Variants in KAZN observed in about 807,000 individuals in gnomAD.
KAZN encodes the protein kazrin, periplakin interacting protein.
KAZN carries 40 observed loss-of-function variants against 87.4 expected under a neutral mutation model. The observed-to-expected ratio is 0.46, with a 90% CI of 0.36 to 0.60. KAZN has a LOEUF of 0.60. KAZN is among the 20% of genes least tolerant of loss of function. The pLI is 0.00. For missense variants in KAZN, 898 were observed against 1,073.9 expected, an observed-to-expected ratio of 0.84 and a Z score of 2.29; for synonymous variants, 466 against 458.3, an observed-to-expected ratio of 1.02 and a Z score of -0.22.
rs1210674992 is a variant in KAZN at position 14,735,198 on chromosome 1, T to C, written c.226+135975T>C. Among the ~76,000 whole-genome samples, 1 of 152,206 alleles carries C rather than the reference T, an allele frequency of 6.6e-6. No homozygotes were observed. Among genetic ancestry groups the C allele is most frequent in the African/African-American group, 2.4e-5 (1 of 41,466 alleles). On this transcript the variant is annotated intron_variant, in intron 1 of 14. Coordinates refer to ENST00000376030, the MANE Select transcript of KAZN (RefSeq NM_201628.3). This position sits in a 1 kb window ranked among gnomAD's most constrained non-coding sequence, Gnocchi z 4.3. ...CCTCAGCCTCAGGAGCAGCTGGGAC[T>C]ACAGGCACCCGCCACCATGCCCGGC...
In KAZN at chr1:13,995,219, CAAA is replaced by C. The variant is rs113600200; in HGVS notation, c.91+101477_91+101479del. ...GGAAGTCTTAGACAGTGCAATAAGG[CAAA>C]AAAAAAAAAAAAATCCTAATGATTG... On this transcript the variant is annotated intron_variant, in intron 1 of 16. Transcript: ENST00000636203. Among the ~76,000 whole-genome samples, 95 of 107,376 alleles carry C rather than the reference CAAA, an allele frequency of 8.8e-4. 2 individuals carry two copies. The highest frequency in any genetic ancestry group is 2.9e-3 in the African/African-American group (91 of 31,342). The allele number at this position is 107,376 out of a possible 152,430, so 70.4% of individuals were successfully genotyped here. A position where few individuals can be genotyped will look rare whatever the true frequency, so the allele number is the denominator to read the frequency against.
chr1:14,935,148 G>T (rs1193731419), intron 1 of KAZN, among the ~76,000 whole-genome samples: 1 of 152,200 alleles, frequency 6.6e-6, no homozygotes, highest in Non-Finnish European at 1.5e-5. Flanking sequence ...AGGGACAGAG[G>T]CTACCCCTTG....
chr1:14,245,115 C>T (rs545537957), intron 2 of KAZN, among the ~76,000 whole-genome samples: 3 of 152,124 alleles, frequency 2.0e-5, no homozygotes, highest in African/African-American at 7.2e-5. Context: ...TGCCCACCAC[C>T]ACGCCTGGCT....
intron 2 of KAZN, among the ~76,000 whole-genome samples, chr1:14,994,172 G>C (rs1217390688): frequency 6.6e-6 from 1 of 152,242 alleles, no homozygotes; most frequent in Admixed American, 6.5e-5. Context: ...CGGGCCATGG[G>C]GAGAATGGAG....
At chr1:14,386,505 C>G (rs1661906441) in intron 2 of KAZN, among the ~76,000 whole-genome samples, 1 of 151,642 alleles carries the variant, frequency 6.6e-6, no homozygotes, top group African/African-American at 2.4e-5. Flanking sequence ...TTAGGGCAGG[C>G]CTGGTGGTGA....
Position 15,059,224 on chromosome 1 carries a change from A to G in KAZN, c.917-948A>G, listed in dbSNP as rs151013953. ...AGTGCTGAGACTACAGGCATGAGCC[A>G]CCATGCCCAGCCAAAAGCAAGCACT... On this transcript the variant is annotated intron_variant, in intron 5 of 14. Coordinates refer to ENST00000376030, the MANE Select transcript of KAZN (RefSeq NM_201628.3). Among the ~76,000 whole-genome samples the G allele has an allele frequency of 1.4e-3, 207 of 151,786 alleles. 1 individual carries two copies. Among genetic ancestry groups the G allele is most frequent in the African/African-American group, 4.4e-3 (180 of 41,328 alleles).
intron 2 of KAZN, among the ~76,000 whole-genome samples, chr1:14,250,858 G>A (rs1464268584): frequency 2.6e-5 from 4 of 151,202 alleles, no homozygotes; most frequent in Non-Finnish European, 5.9e-5. Context: ...AGAAACTAAG[G>A]GATGATTAAA....
intron 1 of KAZN, among the ~76,000 whole-genome samples, chr1:13,948,881 A>C (rs1283706359): frequency 1.3e-5 from 2 of 152,118 alleles, no homozygotes; most frequent in African/African-American, 4.8e-5. Context: ...CAGACATGAA[A>C]ATGGAGGCTT....
At chr1:13,926,034 G>C (rs745858137) in intron 1 of KAZN, among the ~76,000 whole-genome samples, 1 of 152,130 alleles carries the variant, frequency 6.6e-6, no homozygotes, top group Non-Finnish European at 1.5e-5. Context: ...GGGACAGAGC[G>C]TGATTTGGTT....
At chr1:14,700,118 G>A (rs921413157) in intron 1 of KAZN, among the ~76,000 whole-genome samples, 3 of 152,208 alleles carry the variant, frequency 2.0e-5, no homozygotes, top group Non-Finnish European at 2.9e-5. Context: ...ATGAGCCATA[G>A]GAAGGACTTA....
intron 2 of KAZN, among the ~76,000 whole-genome samples, chr1:14,573,251 A>G (rs1674978329): frequency 6.6e-6 from 1 of 152,180 alleles, no homozygotes. Context: ...TGCATAGCGC[A>G]CTCATCAAAA....
chr1:14,122,603 A>C (rs1644775798), intron 1 of KAZN, among the ~76,000 whole-genome samples: 1 of 152,224 alleles, frequency 6.6e-6, no homozygotes, highest in Non-Finnish European at 1.5e-5. Context: ...ACAGTAGAAC[A>C]ATATTCTGTT....
intron 2 of KAZN, among the ~76,000 whole-genome samples, chr1:14,489,009 A>G (rs1669501165): frequency 6.6e-6 from 1 of 152,134 alleles, no homozygotes; most frequent in South Asian, 2.1e-4. Flanking sequence ...ACTTAATTGT[A>G]TTTTCCCTTT....
rs1444892308 is a variant in KAZN at position 15,021,660 on chromosome 1, C to T, written c.419-13089C>T. Among the ~76,000 whole-genome samples the T allele has an allele frequency of 1.3e-5, 2 of 152,168 alleles. No individual in the cohort carries two copies. Among genetic ancestry groups the T allele is most frequent in the African/African-American group, 4.8e-5 (2 of 41,456 alleles). Reference sequence around the variant, plus strand: ...CCGGGGTGGTGGCAGGGACAGTGTGCCCTGCGTGCAGTTAGCACCCTGAAG... The same window carrying T: ...CCGGGGTGGTGGCAGGGACAGTGTGTCCTGCGTGCAGTTAGCACCCTGAAG... On this transcript the variant is annotated intron_variant, in intron 2 of 14. Coordinates refer to ENST00000376030, the MANE Select transcript of KAZN (RefSeq NM_201628.3). This position sits in a 1 kb window ranked among gnomAD's most constrained non-coding sequence, Gnocchi z 4.2.
intron 2 of KAZN, among the ~76,000 whole-genome samples, chr1:14,244,883 C>T (rs1245696836): frequency 3.3e-5 from 5 of 151,920 alleles, no homozygotes; most frequent in Non-Finnish European, 7.4e-5. Context: ...TTATTCGGAG[C>T]GAGTTGAGGC....
At chr1:14,493,233 C>T (rs1669774459) in intron 2 of KAZN, among the ~76,000 whole-genome samples, 1 of 152,166 alleles carries the variant, frequency 6.6e-6, no homozygotes, top group Admixed American at 6.5e-5. Flanking sequence ...ATTGTCTTCT[C>T]AATCAGACTT....
intron 3 of KAZN, among the ~76,000 whole-genome samples, chr1:15,038,482 G>A (rs1225238860): frequency 6.6e-6 from 1 of 152,120 alleles, no homozygotes; most frequent in Non-Finnish European, 1.5e-5. Flanking sequence ...AATACCAGAC[G>A]TTTGTTGTGC....
intron 1 of KAZN, among the ~76,000 whole-genome samples, chr1:14,641,759 C>G (rs1344340158): frequency 6.6e-6 from 1 of 152,190 alleles, no homozygotes; most frequent in African/African-American, 2.4e-5. Flanking sequence ...TTGAAAGTTC[C>G]ATTACACTTG....
intron 1 of KAZN, among the ~76,000 whole-genome samples, chr1:14,005,388 A>G (rs748848184): frequency 6.6e-6 from 1 of 150,768 alleles, no homozygotes; most frequent in Non-Finnish European, 1.5e-5. Context: ...GTCCACGTTG[A>G]TTTCAGGTTT....
Sources: gnomAD v4.1 joint callset for allele counts (sites outside exome capture counted in the v4.1 genomes callset) on GRCh38, gnomAD v4.1.1 for gene constraint, Gnocchi (gnomAD v3.1) non-coding constraint, MANE v1.5 for transcripts, NCBI Gene and HGNC (gene_info 2026-07-23, HGNC 2026-07-21) for gene names.